Variants in SYNE1 observed in about 807,000 individuals in gnomAD.
SYNE1 encodes nesprin-1.
A neutral mutation model predicts 1,111.0 loss-of-function variants in SYNE1; 616 were observed. The observed-to-expected ratio is 0.55, with a 90% CI of 0.52 to 0.59. The LOEUF (loss-of-function observed/expected upper bound fraction) is 0.59. Ranked by LOEUF, SYNE1 falls within the 20% of genes least tolerant of loss-of-function variation. The pLI, the probability that SYNE1 is intolerant of heterozygous loss-of-function variation, is 0.00. For missense variants in SYNE1, 10,006 were observed against 10,417.0 expected (o/e 0.96, Z 1.72); for synonymous variants, 3,855 against 3,825.8 (o/e 1.01, Z -0.28).
In SYNE1 at chr6:152,220,160, CTT is replaced by C. The variant is rs376877462; in HGVS notation, c.21861+680_21861+681del. On this transcript the variant is annotated intron_variant, in intron 119 of 145. Transcript: ENST00000367255. ...GTTGAAGATATTAGAATAGGTTAAA[CTT>C]TTATTTACATAGTTTTTATAGCTTG... is the stretch of plus-strand genomic sequence containing the variant. Among the ~76,000 whole-genome samples, 730 of 152,288 alleles carry C rather than the reference CTT, an allele frequency of 4.8e-3. 7 individuals are homozygous for C. The highest frequency in any genetic ancestry group is 0.017 in the African/African-American group (703 of 41,564).
At chr6:152,380,795 G>T (rs760277188) in intron 56 of SYNE1, among the ~76,000 whole-genome samples, 4 of 152,062 alleles carry the variant, frequency 2.6e-5, no homozygotes, top group Admixed American at 6.5e-5. Context: ...GTTTCCTACC[G>T]CAAATAATAA....
At chr6:152,460,098 A>G (rs1421646999) in intron 21 of SYNE1, among the ~76,000 whole-genome samples, 3 of 152,196 alleles carry the variant, frequency 2.0e-5, no homozygotes, top group Non-Finnish European at 2.9e-5. Context: ...CTGCATCTGA[A>G]ACAGTAAAAA....
chr6:152,334,876 G>T (rs2096345350), intron 76 of SYNE1, among the ~76,000 whole-genome samples: 2 of 152,196 alleles, frequency 1.3e-5, no homozygotes, highest in Admixed American at 6.5e-5. Flanking sequence ...GAGTCGCTCT[G>T]GTTTGAACGC....
rs769887324 is a variant in SYNE1 at position 152,373,019 on chromosome 6, G to A, written c.9507+18C>T. ...AACAAATAACACAGAATGCTTCCAT[G>A]TGGTTGGCTATATATACCTCTAGAG... On this transcript the variant is annotated intron_variant, in intron 59 of 145. Coordinates refer to ENST00000367255, the MANE Select transcript of SYNE1 (RefSeq NM_182961.4). 8.7e-6 allele frequency: 14 copies of A among 1,610,926 alleles called. No homozygotes were observed. The Middle Eastern group carries it at 1.5e-3, about 170-fold the overall frequency.
rs779970152 is a variant in SYNE1 at position 152,331,591 on chromosome 6, G to C, written c.13094C>G (p.Pro4365Arg). The C allele has an allele frequency of 1.2e-6, 2 of 1,614,020 alleles. No homozygotes were observed. Among genetic ancestry groups the C allele is most frequent in the Admixed American group, 1.7e-5 (1 of 60,000 alleles). ...CTGCTTAAGGGCCTCGGCGATGTTG[G>C]GTTGTTGCTCTTCTGCCCACTCCAT... ...ELMEWAEEQQ[P>R]NIAEALKQSP... The change falls in exon 78 of 146, where the codon CCC (proline) becomes CGC (arginine). Residue 4365 changes from proline to arginine, a missense_variant. Physicochemically the swap from Pro to Arg is moderately radical, Grantham distance 103 (BLOSUM62 -2). Transcript: ENST00000367255.
At chr6:152,199,090 C>T (rs1039327983) in intron 127 of SYNE1, among the ~76,000 whole-genome samples, 13 of 151,992 alleles carry the variant, frequency 8.6e-5, no homozygotes, top group African/African-American at 3.1e-4. Flanking sequence ...CATTTGCTTC[C>T]ACATAATTTG....
intron 8 of SYNE1, among the ~76,000 whole-genome samples, chr6:152,506,808 C>G (rs2099060640): frequency 6.6e-6 from 1 of 152,080 alleles, no homozygotes; most frequent in Admixed American, 6.5e-5. Context: ...AATTCCTGGC[C>G]TCAAGTGATC....
intron 51 of SYNE1, among the ~76,000 whole-genome samples, chr6:152,395,263 C>T (rs983563873): frequency 6.6e-6 from 1 of 152,130 alleles, no homozygotes; most frequent in African/African-American, 2.4e-5. Context: ...AAGTGACCTG[C>T]CCAATTTCTT....
At chr6:152,635,990 G>T (rs1192411694) in intron 2 of SYNE1, among the ~76,000 whole-genome samples, 2 of 152,198 alleles carry the variant, frequency 1.3e-5, no homozygotes, top group East Asian at 3.8e-4. Flanking sequence ...CCTGCCCGTT[G>T]GGATGCACCT....
Position 152,465,376 on chromosome 6 carries a change from C to T in SYNE1, c.1814G>A (p.Arg605Lys). 2 of 1,613,850 alleles carry T rather than the reference C, an allele frequency of 1.2e-6. No individual in the cohort carries two copies. Among genetic ancestry groups the T allele is most frequent in the East Asian group, 2.2e-5 (1 of 44,862 alleles). ...RNLSVEVRSV[R>K]SMLEEVISNW... ...AGAGATCACTTCTTCCAGCATGCTC[C>T]TCACACTCCTCACTTCTACTGAGAG... Residue 605 changes from arginine to lysine, a missense_variant, in exon 18 of 146, where the codon AGG becomes AAG. Arg to Lys is a conservative substitution (Grantham distance 26, BLOSUM62 2). Around this residue, in one of 7 missense-constraint regions of SYNE1, gnomAD observed 1,971 missense variants for 2,084.1 expected, o/e 0.95. Coordinates refer to ENST00000367255, the MANE Select transcript of SYNE1 (RefSeq NM_182961.4).
intron 140 of SYNE1, among the ~76,000 whole-genome samples, chr6:152,139,442 GTGCC>G (rs2057876496): frequency 6.6e-6 from 1 of 151,370 alleles, no homozygotes; most frequent in Non-Finnish European, 1.5e-5. Context: ...ATGGTGGTGC[GTGCC>G]TGTAATCCCA....
chr6:152,230,777 A>G, intron 114 of SYNE1, 75 bp from the exon 115 acceptor site: 1 of 1,483,642 alleles, frequency 6.7e-7, no homozygotes, highest in Non-Finnish European at 9.2e-7. Context: ...TAATTATTCT[A>G]GCCAGTATTT....
intron 124 of SYNE1, among the ~76,000 whole-genome samples, chr6:152,209,374 G>A (rs538481756): frequency 2.6e-5 from 4 of 152,168 alleles, no homozygotes; most frequent in Middle Eastern, 3.4e-3. Context: ...CCCAGACAAC[G>A]TCAACAAAAC....
intron 3 of SYNE1, among the ~76,000 whole-genome samples, chr6:152,615,559 C>T (rs2099643645): frequency 1.3e-5 from 2 of 152,052 alleles, no homozygotes; most frequent in African/African-American, 4.8e-5. Flanking sequence ...GCCATTTTAT[C>T]ACACAGTTGA....
intron 22 of SYNE1, among the ~76,000 whole-genome samples, chr6:152,457,721 A>G (rs755779575): frequency 7.9e-5 from 12 of 151,998 alleles, no homozygotes; most frequent in Non-Finnish European, 1.6e-4. Flanking sequence ...ATATAAATAT[A>G]TATCAAATTA....
chr6:152,135,236 C>T lies in SYNE1; in HGVS notation c.25660-4G>A, dbSNP rs1157056250. 1 of 1,613,918 alleles carries T rather than the reference C, an allele frequency of 6.2e-7. No homozygotes were observed. On this transcript the variant is annotated splice_region_variant and splice_polypyrimidine_tract_variant and intron_variant, in intron 141 of 145. Transcript: ENST00000367255. ...CATGGCTCATTTCATGGAAACCCTA[C>T]AGAAAACAGTTTAAAGTAACTGTAA...
intron 3 of SYNE1, among the ~76,000 whole-genome samples, chr6:152,590,041 C>T (rs574552784): frequency 6.6e-6 from 1 of 151,180 alleles, no homozygotes; most frequent in Non-Finnish European, 1.5e-5. Flanking sequence ...TCAAGCAACC[C>T]TCTTGCCTCA....
intron 131 of SYNE1, among the ~76,000 whole-genome samples, chr6:152,161,079 C>T (rs117660426): frequency 6.7e-5 from 10 of 149,918 alleles, no homozygotes; most frequent in Admixed American, 4.7e-4. Flanking sequence ...AACAATAATG[C>T]GAGAGTTTCA....
chr6:152,517,736 T>C (rs760182894), intron 6 of SYNE1, among the ~76,000 whole-genome samples: 5 of 152,184 alleles, frequency 3.3e-5, no homozygotes, highest in Admixed American at 3.3e-4. Flanking sequence ...AATGCATTTA[T>C]GGTATGCTAT....
Sources: gnomAD v4.1 joint callset for allele counts (sites outside exome capture counted in the v4.1 genomes callset) on GRCh38, gnomAD v4.1.1 for gene constraint, gnomAD v4.1.1 regional missense constraint, MANE v1.5 for transcripts, NCBI Gene and HGNC (gene_info 2026-07-23, HGNC 2026-07-21) for gene names.